Variants in TCF7L2 observed in about 807,000 individuals in gnomAD.
TCF7L2 encodes the protein transcription factor 7-like 2.
Under a neutral mutation model 77.9 loss-of-function variants are expected in TCF7L2, and 23 were observed. That is an observed-to-expected ratio of 0.30 (90% confidence interval 0.21 to 0.42). TCF7L2 has a LOEUF of 0.42. Ranked by LOEUF, TCF7L2 falls within the 10% of genes least tolerant of loss-of-function variation. TCF7L2 has a pLI of 1.00. For missense variants in TCF7L2, 654 were observed against 793.1 expected (o/e 0.82, Z 2.11); for synonymous variants, 413 against 340.2 (o/e 1.21, Z -2.36).
chr10:112,985,753 C>G (rs1050293861), intron 4 of TCF7L2, among the ~76,000 whole-genome samples: 2 of 152,104 alleles, frequency 1.3e-5, no homozygotes, highest in African/African-American at 2.4e-5. Context: ...GAATGCCCCC[C>G]CCTTCACTTG....
In TCF7L2 at chr10:112,957,355, T is replaced by A. The variant is rs147066877; in HGVS notation, c.381+5748T>A. Among the ~76,000 whole-genome samples the A allele has an allele frequency of 9.3e-4, 142 of 152,080 alleles. 1 individual carries two copies. In the South Asian group the frequency reaches 0.012, roughly 13 times the overall value. On this transcript the variant is annotated intron_variant, in intron 3 of 13. Transcript: ENST00000627217. Reference sequence around the variant, plus strand: ...ACATTACATAGTACACTAGTTAAACTAGTTAACGTGAGAGTTTTTAAAAAA... The same window carrying A: ...ACATTACATAGTACACTAGTTAAACAAGTTAACGTGAGAGTTTTTAAAAAA...
chr10:113,004,967 C>G (rs1478734524), intron 4 of TCF7L2, among the ~76,000 whole-genome samples: 1 of 152,142 alleles, frequency 6.6e-6, no homozygotes, highest in Admixed American at 6.5e-5. Flanking sequence ...GCCACTGTGC[C>G]CAGCCTAGGG....
rs143455762 is a variant in TCF7L2, at chr10:113,092,849, G to A, written c.553-48335G>A. 7.9e-4 allele frequency among the ~76,000 whole-genome samples: 120 copies of A among 152,270 alleles called. 1 individual carries two copies. The highest frequency in any genetic ancestry group is 3.4e-3 in the Middle Eastern group (1 of 294). On this transcript the variant is annotated intron_variant, in intron 5 of 13. Coordinates refer to ENST00000627217, the MANE Select transcript of TCF7L2 (RefSeq NM_001146274.2). ...ACTGCTGTCCAGCCTGGGCAACAGA[G>A]CCAAGACTCCCTCGGCTGGGGGGGT... is the stretch of plus-strand genomic sequence containing the variant.
chr10:113,025,154 C>A (rs2048923259), intron 4 of TCF7L2, among the ~76,000 whole-genome samples: 1 of 151,086 alleles, frequency 6.6e-6, no homozygotes, highest in South Asian at 2.1e-4. Flanking sequence ...ACCTCCTGGG[C>A]TCAAGTGATC....
At chr10:113,017,142 A>G (rs1433255261) in intron 4 of TCF7L2, among the ~76,000 whole-genome samples, 1 of 152,194 alleles carries the variant, frequency 6.6e-6, no homozygotes, top group Non-Finnish European at 1.5e-5. Context: ...TGAAGCCAAA[A>G]ATTGATAGAG....
intron 4 of TCF7L2, among the ~76,000 whole-genome samples, chr10:112,975,686 T>A (rs906849058): frequency 1.3e-5 from 2 of 152,152 alleles, no homozygotes; most frequent in African/African-American, 2.4e-5. Flanking sequence ...TTCACCATGT[T>A]GGCCAGGCTG....
intron 4 of TCF7L2, among the ~76,000 whole-genome samples, chr10:113,002,189 C>A (rs1034209960): frequency 1.3e-5 from 2 of 152,162 alleles, no homozygotes; most frequent in Admixed American, 6.5e-5. Context: ...AAGTGGCAAA[C>A]CCTGATCCAG....
chr10:113,159,568 G>A (rs926256190), intron 12 of TCF7L2, among the ~76,000 whole-genome samples: 1 of 152,000 alleles, frequency 6.6e-6, no homozygotes, highest in African/African-American at 2.4e-5. Flanking sequence ...AACTAAAAGA[G>A]GAAAAATATT....
chr10:112,954,551 AAGAC>A (rs1223370978), intron 3 of TCF7L2, among the ~76,000 whole-genome samples: 3 of 152,242 alleles, frequency 2.0e-5, no homozygotes, highest in East Asian at 3.8e-4. Context: ...GGCTTTTAAA[AAGAC>A]AGATTCAGAT....
chr10:112,985,860 T>TGTGTGTG (rs946184768), intron 4 of TCF7L2, among the ~76,000 whole-genome samples: 1 of 146,608 alleles, frequency 6.8e-6, no homozygotes, highest in Non-Finnish European at 1.5e-5. Context: ...AGCCTGTAGT[T>TGTGTGTG]TGTGTGTGTG....
chr10:113,141,541 C>G (rs1245747380), intron 6 of TCF7L2, among the ~76,000 whole-genome samples: 1 of 152,180 alleles, frequency 6.6e-6, no homozygotes, highest in Non-Finnish European at 1.5e-5. Context: ...AGTTCATTTG[C>G]AGTGTTAAAG....
At chr10:113,050,833 A>G (rs1220898685) in intron 5 of TCF7L2, among the ~76,000 whole-genome samples, 1 of 152,086 alleles carries the variant, frequency 6.6e-6, no homozygotes, top group Non-Finnish European at 1.5e-5. Context: ...GCCCCTTCCC[A>G]TCCCACTTCT....
At chr10:113,054,439 A>G (rs116088955) in intron 5 of TCF7L2, among the ~76,000 whole-genome samples, 2,463 of 152,268 alleles carry the variant, frequency 0.016, 72 homozygotes, top group African/African-American at 0.055. Context: ...TCTATCTCAA[A>G]GTTTGTCACA....
At position 113,165,608 on chromosome 10, in the gene TCF7L2, C is replaced by T. The variant is rs1385532143; in HGVS notation, c.1445C>T (p.Pro482Leu). ...CAAGGTGAAGGCAGCTGCCTCAGCC[C>T]ACCCTCTTCAGATGGAAGCTTACTA... is the stretch of plus-strand genomic sequence containing the variant. The change falls in exon 14 of 14, where the codon CCA becomes CTA. Residue 482 changes from proline (P) to leucine (L), a missense_variant. Transcript: ENST00000627217. 6.2e-7 allele frequency: 1 copy of T among 1,614,082 alleles called. No individual in the cohort carries two copies. Among genetic ancestry groups the T allele is most frequent in the East Asian group, 2.2e-5 (1 of 44,872 alleles).
chr10:113,164,638 A>G (rs1450119215), intron 13 of TCF7L2, among the ~76,000 whole-genome samples: 1 of 151,298 alleles, frequency 6.6e-6, no homozygotes, highest in Non-Finnish European at 1.5e-5. Context: ...AATTTAATCC[A>G]CAACCTGCAG....
intron 4 of TCF7L2, among the ~76,000 whole-genome samples, chr10:113,032,119 C>T (rs1243595800): frequency 2.6e-5 from 4 of 152,112 alleles, no homozygotes; most frequent in Admixed American, 6.5e-5. Context: ...CCTGGGAGTA[C>T]GCACTCGTAA....
chr10:112,958,452 A>G (rs2134395798), intron 3 of TCF7L2, among the ~76,000 whole-genome samples: 1 of 152,146 alleles, frequency 6.6e-6, no homozygotes, highest in South Asian at 2.1e-4. Context: ...CCTCTCTTGC[A>G]GTCTTCAGCT....
chr10:113,160,005 T>C lies in TCF7L2; in HGVS notation c.1319-614T>C, dbSNP rs751975308. 2.9e-5 allele frequency: 47 copies of C among 1,613,530 alleles called. No individual in the cohort carries two copies. The South Asian group carries it at 5.2e-4, about 18-fold the overall frequency. ...GCGGCCCTTGCAGGTGTGTATAGTT[T>C]TCCAGATTCGCTGTGCTGGTTTGCA... is the stretch of plus-strand genomic sequence containing the variant. On this transcript the variant is annotated intron_variant, in intron 12 of 13. Coordinates refer to ENST00000627217, the MANE Select transcript of TCF7L2 (RefSeq NM_001146274.2).
At chr10:112,975,091 G>A (rs1200538859) in intron 4 of TCF7L2, among the ~76,000 whole-genome samples, 3 of 152,016 alleles carry the variant, frequency 2.0e-5, no homozygotes, top group Non-Finnish European at 2.9e-5. Flanking sequence ...TTGGATGGTA[G>A]TGTGTTTAAT....
Sources: allele counts gnomAD v4.1 joint callset (sites outside exome capture counted in the v4.1 genomes callset), GRCh38; gene constraint gnomAD v4.1.1; transcripts MANE v1.5; gene names NCBI Gene and HGNC (gene_info 2026-07-23, HGNC 2026-07-21).